Variants in STAU2 observed in about 807,000 individuals in gnomAD.
STAU2 encodes the protein staufen double-stranded RNA binding protein 2.
A neutral mutation model predicts 65.9 loss-of-function variants in STAU2; 20 were observed. That is an observed-to-expected ratio of 0.30 (90% CI 0.21 to 0.44). The LOEUF (loss-of-function observed/expected upper bound fraction) is 0.44. Among genes scored for constraint, STAU2 ranks in the 20% least tolerant of loss-of-function variants. The pLI is 1.00. For missense variants in STAU2, 558 were observed against 683.9 expected (o/e 0.82, Z 2.05); for synonymous variants, 232 against 233.9 (o/e 0.99, Z 0.07).
chr8:73,657,928 C>T (rs1007812707), intron 6 of STAU2, among the ~76,000 whole-genome samples: 4 of 151,930 alleles, frequency 2.6e-5, no homozygotes, highest in Non-Finnish European at 5.9e-5. Flanking sequence ...GCACAAGGAT[C>T]GCTTGAACCC....
At chr8:73,425,710 A>G (rs1003574578) in intron 13 of STAU2, among the ~76,000 whole-genome samples, 2 of 152,186 alleles carry the variant, frequency 1.3e-5, no homozygotes, top group Non-Finnish European at 2.9e-5. Flanking sequence ...GAATATATAG[A>G]CAAGCAAAAA....
intron 9 of STAU2, among the ~76,000 whole-genome samples, chr8:73,605,517 C>T (rs1811947777): frequency 6.6e-6 from 1 of 151,886 alleles, no homozygotes; most frequent in Admixed American, 6.6e-5. Flanking sequence ...CCATGTTGGC[C>T]AGGCTGGTCT....
At chr8:73,631,621 C>G (rs1172192083) in intron 6 of STAU2, among the ~76,000 whole-genome samples, 4 of 152,110 alleles carry the variant, frequency 2.6e-5, no homozygotes, top group African/African-American at 9.7e-5. Context: ...ATAGACTGTT[C>G]TGTGACCTGT....
chr8:73,457,970 G>C (rs1819160050), intron 13 of STAU2, among the ~76,000 whole-genome samples: 1 of 152,168 alleles, frequency 6.6e-6, no homozygotes, highest in African/African-American at 2.4e-5. Context: ...AGGACTTAAG[G>C]CCATAGCTAC....
chr8:73,436,376 C>A (rs1817681594), intron 13 of STAU2, among the ~76,000 whole-genome samples: 1 of 151,706 alleles, frequency 6.6e-6, no homozygotes, highest in Admixed American at 6.6e-5. Flanking sequence ...GGAGCTAGAA[C>A]AGACCTTTGC....
At chr8:73,523,769 G>A (rs1339848134) in intron 13 of STAU2, among the ~76,000 whole-genome samples, 2 of 152,322 alleles carry the variant, frequency 1.3e-5, no homozygotes, top group Non-Finnish European at 1.5e-5. Context: ...GAACTGGAAA[G>A]TGGGAGGAAT....
At chr8:73,433,495 C>A (rs933967858) in intron 13 of STAU2, among the ~76,000 whole-genome samples, 1 of 141,254 alleles carries the variant, frequency 7.1e-6, no homozygotes, top group East Asian at 2.1e-4. Flanking sequence ...TGAGCCATCA[C>A]GCCCCGCCTT....
chr8:73,575,776 A>T (rs1372209440), intron 12 of STAU2, among the ~76,000 whole-genome samples: 1 of 148,924 alleles, frequency 6.7e-6, no homozygotes. Flanking sequence ...ACATTTATAC[A>T]TATGTATATA....
chr8:73,667,319 G>A (rs1029441699), intron 6 of STAU2, among the ~76,000 whole-genome samples: 1 of 151,952 alleles, frequency 6.6e-6, no homozygotes, highest in Non-Finnish European at 1.5e-5. Flanking sequence ...ATCCTTCAAT[G>A]ACTCCCAATC....
chr8:73,694,445 G>A (rs1819563917), intron 4 of STAU2, among the ~76,000 whole-genome samples: 2 of 152,152 alleles, frequency 1.3e-5, no homozygotes, highest in Admixed American at 1.3e-4. Flanking sequence ...CATAAAATAA[G>A]TCTCAATAAA....
chr8:73,521,138 G>A (rs529501442), intron 13 of STAU2, among the ~76,000 whole-genome samples: 1 of 152,238 alleles, frequency 6.6e-6, no homozygotes, highest in South Asian at 2.1e-4. Context: ...AATATCATTA[G>A]TTGTAAGACA....
intron 1 of STAU2, among the ~76,000 whole-genome samples, chr8:73,741,155 A>G (rs190060994): frequency 1.3e-5 from 2 of 150,156 alleles, no homozygotes; most frequent in Admixed American, 1.3e-4. Context: ...AATACAAAAT[A>G]TTAGCCGGGC....
At chr8:73,440,184 T>A (rs1189399877) in intron 13 of STAU2, 1 of 152,278 alleles carries the variant, frequency 6.6e-6, no homozygotes, top group African/African-American at 2.4e-5. Context: ...TTCAAGCCCA[T>A]CCTTGGACCT....
At chr8:73,431,614 A>G (rs16938655) in intron 13 of STAU2, among the ~76,000 whole-genome samples, 10,396 of 152,286 alleles carry the variant, frequency 0.068, 937 homozygotes, top group African/African-American at 0.21. Context: ...TTTGTGAGTA[A>G]AGCCCCACAG....
intron 13 of STAU2, among the ~76,000 whole-genome samples, chr8:73,481,806 T>A (rs1297684656): frequency 6.6e-6 from 1 of 152,098 alleles, no homozygotes; most frequent in East Asian, 1.9e-4. Flanking sequence ...ATGTAACCAG[T>A]GAGTTTTGGG....
intron 13 of STAU2, among the ~76,000 whole-genome samples, chr8:73,493,402 T>C (rs1336102719): frequency 6.6e-6 from 1 of 151,542 alleles, no homozygotes; most frequent in Non-Finnish European, 1.5e-5. Flanking sequence ...TGACAAGGGT[T>C]TGGATAAGAT....
intron 5 of STAU2, among the ~76,000 whole-genome samples, chr8:73,685,259 C>G (rs1818716088): frequency 6.6e-6 from 1 of 152,038 alleles, no homozygotes; most frequent in Non-Finnish European, 1.5e-5. Context: ...TCAGGAAGTT[C>G]TTTATAGCAG....
chr8:73,546,059 A>G (rs969346851), intron 13 of STAU2, among the ~76,000 whole-genome samples: 1 of 71,100 alleles, frequency 1.4e-5, no homozygotes, highest in African/African-American at 5.1e-5. Context: ...CTCCTGCCTC[A>G]GTCTCCCAGT....
At chr8:73,526,341 A>G (rs1268440797) in intron 13 of STAU2, among the ~76,000 whole-genome samples, 1 of 152,240 alleles carries the variant, frequency 6.6e-6, no homozygotes, top group African/African-American at 2.4e-5. Context: ...TTCCCTAAAT[A>G]TCACAATACT....
Sources: gnomAD v4.1 joint callset for allele counts (sites outside exome capture counted in the v4.1 genomes callset) on GRCh38, gnomAD v4.1.1 for gene constraint, MANE v1.5 for transcripts, NCBI Gene and HGNC (gene_info 2026-07-23, HGNC 2026-07-21) for gene names.